Variants in CCDC102B observed in about 807,000 individuals in gnomAD.
CCDC102B encodes coiled-coil domain-containing protein 102B.
CCDC102B carries 75 observed loss-of-function variants against 57.4 expected under a neutral mutation model. The observed-to-expected ratio is 1.31, with a 90% CI of 1.08 to 1.58. The LOEUF (loss-of-function observed/expected upper bound fraction) is 1.58, where lower values mean the gene tolerates loss of function less well. Among genes scored for constraint, CCDC102B ranks in the 40% most tolerant of loss-of-function variants. CCDC102B has a pLI of 0.00. For synonymous variants in CCDC102B, 206 were observed against 201.9 expected, an observed-to-expected ratio of 1.02 and a Z score of -0.17; for missense variants, 636 against 582.6, an observed-to-expected ratio of 1.09 and a Z score of -0.94.
intron 7 of CCDC102B, among the ~76,000 whole-genome samples, chr18:69,049,479 T>C (rs2052650960): frequency 6.6e-6 from 1 of 152,112 alleles, no homozygotes; most frequent in South Asian, 2.1e-4. Context: ...AAGATTTTTG[T>C]CTGGAAGCTG....
In CCDC102B at chr18:68,837,252, C is replaced by T. The variant is rs1245315441; in HGVS notation, c.489C>T (p.Phe163=). ...KVTQDLKLPG[F]VEESCEHTDQ... ...CCCAGGATCTGAAGCTTCCTGGCTT[C>T]GTAGAAGAATCCTGTGAACATACAG... Residue 163 remains phenylalanine, a synonymous_variant, in exon 2 of 8, where the codon TTC becomes TTT. Transcript: ENST00000360242. 5.0e-6 allele frequency: 8 copies of T among 1,613,942 alleles called. No individual in the cohort carries two copies. In the African/African-American group the frequency reaches 6.7e-5, roughly 13 times the overall value.
At chr18:69,047,172 A>T (rs2052588838) in intron 7 of CCDC102B, among the ~76,000 whole-genome samples, 1 of 152,116 alleles carries the variant, frequency 6.6e-6, no homozygotes, top group Non-Finnish European at 1.5e-5. Context: ...CAAAATACTC[A>T]CAAACTGAAT....
At chr18:68,943,109 A>G in intron 6 of CCDC102B, among the ~76,000 whole-genome samples, 1 of 140,208 alleles carries the variant, frequency 7.1e-6, no homozygotes, top group Non-Finnish European at 1.6e-5. Flanking sequence ...GGTTGGGGGT[A>G]GGGTTACAGA....
In CCDC102B at chr18:68,876,742, G is replaced by C. The variant is rs189965770; in HGVS notation, c.1053+1957G>C. ...TAGTGATATAGATTTAAACATTCTG[G>C]GTTTATATTGACAAAACTCAGGAAA... On this transcript the variant is annotated intron_variant, in intron 5 of 7. Transcript: ENST00000360242. Among the ~76,000 whole-genome samples, 12 of 152,086 alleles carry C rather than the reference G, an allele frequency of 7.9e-5. No individual in the cohort carries two copies. In the South Asian group the frequency reaches 1.7e-3, roughly 21 times the overall value.
At chr18:69,011,834 T>G (rs1342564455) in intron 7 of CCDC102B, among the ~76,000 whole-genome samples, 1 of 152,186 alleles carries the variant, frequency 6.6e-6, no homozygotes, top group Non-Finnish European at 1.5e-5. Context: ...TTAGAAAGAC[T>G]GTTTCTATAT....
intron 6 of CCDC102B, among the ~76,000 whole-genome samples, chr18:68,956,515 C>A (rs1599749814): frequency 2.3e-4 from 5 of 22,136 alleles, no homozygotes; most frequent in East Asian, 1.6e-3. Context: ...ATATATATAT[C>A]GCATATTATA....
chr18:69,014,944 A>G (rs1212660998), intron 7 of CCDC102B, among the ~76,000 whole-genome samples: 1 of 148,946 alleles, frequency 6.7e-6, no homozygotes, highest in Non-Finnish European at 1.5e-5. Flanking sequence ...GGCCTGCACT[A>G]TACTGTATGT....
intron 7 of CCDC102B, among the ~76,000 whole-genome samples, chr18:69,021,831 C>G (rs562871964): frequency 3.8e-4 from 58 of 152,292 alleles, no homozygotes; most frequent in Middle Eastern, 6.8e-3. Flanking sequence ...AACACATGTC[C>G]AGCAACCCAG....
intron 7 of CCDC102B, among the ~76,000 whole-genome samples, chr18:69,035,156 A>G (rs60835252): frequency 0.016 from 2,501 of 152,170 alleles, 84 homozygotes; most frequent in African/African-American, 0.056. Flanking sequence ...AGTATACCAT[A>G]TTAGAAACAC....
At chr18:68,743,651 A>G (rs1279338043) in intron 2 of CCDC102B, among the ~76,000 whole-genome samples, 1 of 152,176 alleles carries the variant, frequency 6.6e-6, no homozygotes, top group African/African-American at 2.4e-5. Context: ...AGAATGCTCT[A>G]TGGAGTCTTG....
intron 1 of CCDC102B, among the ~76,000 whole-genome samples, chr18:68,805,098 GAC>G (rs2035986083): frequency 6.6e-6 from 1 of 152,108 alleles, no homozygotes; most frequent in Non-Finnish European, 1.5e-5. Flanking sequence ...GTATCCATTA[GAC>G]ACATAGATAT....
rs113196365 is a variant in CCDC102B at position 69,041,299 on chromosome 18, T to C, written c.1435-12731T>C. On this transcript the variant is annotated intron_variant, in intron 7 of 7. Coordinates refer to ENST00000360242, the MANE Select transcript of CCDC102B (RefSeq NM_024781.3). Reference sequence around the variant, plus strand: ...TTTTCATAATTCTTTATCAAGTTTATGCTGACATGTGGTTGTTTATAAATT... The same window carrying C: ...TTTTCATAATTCTTTATCAAGTTTACGCTGACATGTGGTTGTTTATAAATT... Among the ~76,000 whole-genome samples, 762 of 152,230 alleles carry C rather than the reference T, an allele frequency of 5.0e-3. 7 individuals are homozygous for C. Among genetic ancestry groups the C allele is most frequent in the African/African-American group, 0.017 (723 of 41,572 alleles).
At position 68,940,684 on chromosome 18, in the gene CCDC102B, G is replaced by A. The variant is rs73463871; in HGVS notation, c.1263+43256G>A. Among the ~76,000 whole-genome samples the A allele has an allele frequency of 5.5e-3, 831 of 151,932 alleles. 5 individuals carry two copies. The highest frequency in any genetic ancestry group is 0.019 in the African/African-American group (773 of 41,518). On this transcript the variant is annotated intron_variant, in intron 6 of 7. Transcript: ENST00000360242. ...TATGAAAAAGAGCTTTGCAGGTAAG[G>A]TAATTTTAGCAGCAGTGTGCATTAA... is the stretch of plus-strand genomic sequence containing the variant.
chr18:68,867,546 C>T (rs1291335632), intron 4 of CCDC102B, among the ~76,000 whole-genome samples: 4 of 152,024 alleles, frequency 2.6e-5, no homozygotes, highest in African/African-American at 7.2e-5. Flanking sequence ...TGTTCATTGG[C>T]CAGAACCCAT....
chr18:68,867,314 T>C (rs1218190255), intron 4 of CCDC102B, among the ~76,000 whole-genome samples: 2 of 152,008 alleles, frequency 1.3e-5, no homozygotes, highest in East Asian at 3.9e-4. Flanking sequence ...AAATATGGAG[T>C]GGCTGCAAAA....
chr18:68,879,533 C>T (rs145040536), intron 5 of CCDC102B, among the ~76,000 whole-genome samples: 1,606 of 152,050 alleles, frequency 0.011, 34 homozygotes, highest in East Asian at 0.08. Context: ...CTCCACGTCC[C>T]CACCAGATTA....
At position 69,055,028 on chromosome 18, in the gene CCDC102B, CACTT is replaced by C. The variant is rs2052792613; in HGVS notation, c.*893_*896del. 1 of 982,592 alleles carries C rather than the reference CACTT, an allele frequency of 1.0e-6. No individual in the cohort carries two copies. The allele number at this position is 982,592 out of a possible 1,614,324, so 60.9% of individuals were successfully genotyped here. On this transcript the variant is annotated 3_prime_UTR_variant, in exon 8 of 8. Coordinates refer to ENST00000360242, the MANE Select transcript of CCDC102B (RefSeq NM_024781.3). Reference sequence around the variant, plus strand: ...TAAAATGTTATTTTGAACAAAAAGACACTTATAATTTTCCATACCTATTTTCAAC... The same window carrying C: ...TAAAATGTTATTTTGAACAAAAAGACATAATTTTCCATACCTATTTTCAAC...
At chr18:68,723,074 A>G (rs1789163477) in intron 2 of CCDC102B, among the ~76,000 whole-genome samples, 1 of 152,066 alleles carries the variant, frequency 6.6e-6, no homozygotes, top group Admixed American at 6.6e-5. Flanking sequence ...GAAACTTACA[A>G]TCATGGTGGA....
chr18:69,001,166 A>G (rs990603994), intron 6 of CCDC102B, among the ~76,000 whole-genome samples: 1 of 152,062 alleles, frequency 6.6e-6, no homozygotes, highest in African/African-American at 2.4e-5. Context: ...TCTTCATATC[A>G]CAATTTTTAC....
Sources: allele counts gnomAD v4.1 joint callset (sites outside exome capture counted in the v4.1 genomes callset), GRCh38; gene constraint gnomAD v4.1.1; transcripts MANE v1.5; gene names NCBI Gene and HGNC (gene_info 2026-07-23, HGNC 2026-07-21).